Variants in RALYL observed in about 807,000 individuals in gnomAD.
RALYL encodes the protein RNA-binding Raly-like protein.
In RALYL, 29 loss-of-function variants were observed where a neutral mutation model predicts 35.1. The observed-to-expected ratio is 0.83, with a 90% confidence interval of 0.61 to 1.13. RALYL has a LOEUF of 1.13. Ranked by LOEUF, RALYL falls within the 50% of genes most tolerant of loss-of-function variation. RALYL has a pLI of 0.00. For missense variants in RALYL, 359 were observed against 360.4 expected, an observed-to-expected ratio of 1.00 and a Z score of 0.03; for synonymous variants, 120 against 127.6, an observed-to-expected ratio of 0.94 and a Z score of 0.40.
intron 1 of RALYL, among the ~76,000 whole-genome samples, chr8:84,214,820 G>A (rs75480781): frequency 3.9e-4 from 59 of 151,620 alleles, no homozygotes; most frequent in South Asian, 8.3e-4. Flanking sequence ...TACCTATTGC[G>A]TTTAATAAAT....
chr8:84,597,329 C>T (rs1388978478), intron 2 of RALYL, among the ~76,000 whole-genome samples: 4 of 152,122 alleles, frequency 2.6e-5, no homozygotes, highest in Admixed American at 1.3e-4. Flanking sequence ...CCTAGTCATT[C>T]GCTCCAGAAA....
chr8:84,482,611 A>T (rs965299570), intron 1 of RALYL, among the ~76,000 whole-genome samples: 1 of 152,106 alleles, frequency 6.6e-6, no homozygotes, highest in African/African-American at 2.4e-5. Context: ...TCATGAAAAC[A>T]GAACACAGAT....
chr8:84,460,499 A>G (rs1322392089), intron 1 of RALYL, among the ~76,000 whole-genome samples: 1 of 151,550 alleles, frequency 6.6e-6, no homozygotes, highest in Admixed American at 6.6e-5. Context: ...AAATGCAAAA[A>G]CTCTTTATGG....
chr8:84,539,371 A>G (rs1239390297), intron 2 of RALYL, among the ~76,000 whole-genome samples: 1 of 152,172 alleles, frequency 6.6e-6, no homozygotes, highest in Non-Finnish European at 1.5e-5. Flanking sequence ...CTACTGTTTA[A>G]TGCCTTCTAA....
chr8:84,346,001 G>T, intron 1 of RALYL: 3 of 778,014 alleles, frequency 3.9e-6, no homozygotes, highest in Non-Finnish European at 4.7e-6. Context: ...ACCTCCTTGG[G>T]ACAATTATTA....
chr8:84,760,225 A>T (rs1462928763), intron 2 of RALYL, among the ~76,000 whole-genome samples: 1 of 152,148 alleles, frequency 6.6e-6, no homozygotes, highest in Non-Finnish European at 1.5e-5. Context: ...ATTGAAGATA[A>T]AATTAGATTT....
chr8:84,811,028 T>C (rs1825783065), intron 4 of RALYL, among the ~76,000 whole-genome samples: 4 of 152,210 alleles, frequency 2.6e-5, no homozygotes, highest in Admixed American at 2.6e-4. Flanking sequence ...GTTGCATTCA[T>C]CATGCTATTT....
intron 2 of RALYL, among the ~76,000 whole-genome samples, chr8:84,647,232 T>C (rs1425478953): frequency 6.6e-6 from 1 of 151,916 alleles, no homozygotes; most frequent in Non-Finnish European, 1.5e-5. Flanking sequence ...AGTTGTGCAG[T>C]GGGATATTGG....
intron 2 of RALYL, among the ~76,000 whole-genome samples, chr8:84,763,219 G>A (rs1813108509): frequency 6.6e-6 from 1 of 152,118 alleles, no homozygotes. Flanking sequence ...AGAGAGAAAT[G>A]AGAAAAGTGA....
intron 1 of RALYL, among the ~76,000 whole-genome samples, chr8:84,496,586 C>T (rs1206952149): frequency 2.0e-5 from 3 of 152,142 alleles, no homozygotes; most frequent in Non-Finnish European, 4.4e-5. Context: ...CTGTCATTTA[C>T]AGACTGAATC....
chr8:84,759,649 G>A (rs899435093), intron 2 of RALYL, among the ~76,000 whole-genome samples: 59 of 152,142 alleles, frequency 3.9e-4, no homozygotes, highest in African/African-American at 1.4e-3. Context: ...ATACTGCCAT[G>A]TGGTCTTATG....
intron 2 of RALYL, among the ~76,000 whole-genome samples, chr8:84,623,890 C>G (rs1054357570): frequency 6.6e-6 from 1 of 152,156 alleles, no homozygotes; most frequent in Non-Finnish European, 1.5e-5. Flanking sequence ...ATGGCCCCAT[C>G]ATGAACGTGG....
intron 2 of RALYL, among the ~76,000 whole-genome samples, chr8:84,544,343 T>A (rs183900344): frequency 4.3e-3 from 654 of 152,156 alleles, no homozygotes; most frequent in Admixed American, 6.7e-3. Context: ...TTTATTTTTT[T>A]AAAAATCTAA....
chr8:84,360,778 G>C (rs528270412), intron 1 of RALYL, among the ~76,000 whole-genome samples: 1 of 151,966 alleles, frequency 6.6e-6, no homozygotes, highest in Non-Finnish European at 1.5e-5. Flanking sequence ...TTGAGTGTGG[G>C]GATGAATTAG....
intron 1 of RALYL, among the ~76,000 whole-genome samples, chr8:84,490,643 A>G (rs2134030174): frequency 6.6e-6 from 1 of 151,984 alleles, no homozygotes; most frequent in South Asian, 2.1e-4. Flanking sequence ...TATTAAAGGA[A>G]GGAAGTGGGC....
At chr8:84,378,218 T>G (rs941208709) in intron 1 of RALYL, among the ~76,000 whole-genome samples, 1 of 151,970 alleles carries the variant, frequency 6.6e-6, no homozygotes, top group African/African-American at 2.4e-5. Context: ...CACATTTTAA[T>G]GTGTGCCAAT....
intron 8 of RALYL, among the ~76,000 whole-genome samples, chr8:84,910,485 T>C (rs1214670677): frequency 6.6e-6 from 1 of 152,136 alleles, no homozygotes; most frequent in East Asian, 1.9e-4. Context: ...TATGTTATTA[T>C]GTCTAAATGA....
intron 1 of RALYL, among the ~76,000 whole-genome samples, chr8:84,335,721 T>A (rs1847672226): frequency 6.8e-6 from 1 of 146,330 alleles, no homozygotes; most frequent in South Asian, 2.1e-4. Context: ...TTTTTTTTTT[T>A]TTTTTTTCCA....
intron 2 of RALYL, among the ~76,000 whole-genome samples, chr8:84,605,655 A>C (rs1381188059): frequency 6.6e-6 from 1 of 152,102 alleles, no homozygotes; most frequent in Non-Finnish European, 1.5e-5. Context: ...TTATTAGTCC[A>C]TTTGCTCCAA....
Sources: allele counts gnomAD v4.1 joint callset (sites outside exome capture counted in the v4.1 genomes callset), GRCh38; gene constraint gnomAD v4.1.1; transcripts MANE v1.5; gene names NCBI Gene and HGNC (gene_info 2026-07-23, HGNC 2026-07-21).